ZNF536: variants seen among roughly 807,000 people sequenced by gnomAD.
ZNF536 encodes zinc finger protein 536.
A neutral mutation model predicts 84.5 loss-of-function variants in ZNF536; 13 were observed. The observed-to-expected ratio is 0.15, with a 90% confidence interval of 0.10 to 0.24. The LOEUF (loss-of-function observed/expected upper bound fraction) is 0.24, where lower values mean the gene tolerates loss of function less well. Ranked by LOEUF, ZNF536 falls within the 10% of genes least tolerant of loss-of-function variation. The pLI, the probability that ZNF536 is intolerant of heterozygous loss-of-function variation, is 1.00. For missense variants in ZNF536, 1,536 were observed against 1,747.5 expected, an observed-to-expected ratio of 0.88 and a Z score of 2.16; for synonymous variants, 811 against 742.5, an observed-to-expected ratio of 1.09 and a Z score of -1.50.
At chr19:30,486,447 C>G (rs893701354) in intron 2 of ZNF536, among the ~76,000 whole-genome samples, 4 of 152,206 alleles carry the variant, frequency 2.6e-5, no homozygotes, top group African/African-American at 9.7e-5. Flanking sequence ...CTTTTTATGG[C>G]TGCATAGTAT....
rs1463876350 is a variant in ZNF536 at position 30,326,978 on chromosome 19, A to C, written c.-119-25390A>C. 2.0e-5 allele frequency among the ~76,000 whole-genome samples: 3 copies of C among 151,216 alleles called. No individual in the cohort carries two copies. The East Asian group carries it at 5.9e-4, about 30-fold the overall frequency. The stretch of plus-strand genomic sequence containing the variant: ...AAAAAGTAACCAGGTATAATGGCAC[A>C]CACCTATAGTCCCAGCTACTCAGGC... On this transcript the variant is annotated intron_variant, in intron 2 of 5. Coordinates refer to the ZNF536 transcript ENST00000585628.
chr19:30,342,340 A>G (rs1221612985), intron 2 of ZNF536, among the ~76,000 whole-genome samples: 3 of 152,166 alleles, frequency 2.0e-5, no homozygotes, highest in Non-Finnish European at 4.4e-5. Flanking sequence ...TTATTTTGCT[A>G]TCTTAAATGG....
At chr19:30,480,475 A>G (rs1390375749) in intron 2 of ZNF536, among the ~76,000 whole-genome samples, 1 of 151,956 alleles carries the variant, frequency 6.6e-6, no homozygotes, top group Non-Finnish European at 1.5e-5. Context: ...GGATGTTCTC[A>G]CTCATAAGTG....
intron 1 of ZNF536, among the ~76,000 whole-genome samples, chr19:30,267,438 A>G (rs2025573469): frequency 1.3e-5 from 2 of 152,108 alleles, no homozygotes; most frequent in South Asian, 4.2e-4. Flanking sequence ...AAAGAAAAGG[A>G]GGGGGACTCT....
intron 1 of ZNF536, among the ~76,000 whole-genome samples, chr19:30,424,753 A>G (rs1160998697): frequency 6.6e-6 from 1 of 152,230 alleles, no homozygotes; most frequent in Non-Finnish European, 1.5e-5. Context: ...GACACAGACA[A>G]GGAAAGCACT....
chr19:30,323,788 C>T (rs2046934059), intron 2 of ZNF536, among the ~76,000 whole-genome samples: 2 of 152,270 alleles, frequency 1.3e-5, no homozygotes, highest in Middle Eastern at 3.4e-3. Context: ...TATCCCTCTG[C>T]TAGTGCTCAG....
At chr19:30,403,659 C>G (rs1156773434) in intron 1 of ZNF536, among the ~76,000 whole-genome samples, 1 of 152,208 alleles carries the variant, frequency 6.6e-6, no homozygotes, top group Non-Finnish European at 1.5e-5. Flanking sequence ...ACTTGCAGCT[C>G]TAGAAAGAAG....
intron 2 of ZNF536, among the ~76,000 whole-genome samples, chr19:30,462,292 T>TTGTG (rs1389128268): frequency 2.0e-4 from 29 of 144,092 alleles, no homozygotes; most frequent in African/African-American, 3.3e-4. Context: ...TCTTGTGATT[T>TTGTG]TGTGTGTGTG....
intron 1 of ZNF536, among the ~76,000 whole-genome samples, chr19:30,620,494 G>A (rs1208927457): frequency 6.6e-6 from 1 of 152,180 alleles, no homozygotes; most frequent in African/African-American, 2.4e-5. Context: ...GGGAATGGAA[G>A]TCCTGCAGGT....
chr19:30,382,569 A>AT (rs34080241), intron 1 of ZNF536, among the ~76,000 whole-genome samples: 73,673 of 149,412 alleles, frequency 0.49, 20,312 homozygotes, highest in Non-Finnish European at 0.61. Context: ...TGGGCAGGGA[A>AT]TTTTTTTTTT....
At chr19:30,325,667 C>G (rs1265569110) in intron 2 of ZNF536, among the ~76,000 whole-genome samples, 1 of 152,172 alleles carries the variant, frequency 6.6e-6, no homozygotes, top group South Asian at 2.1e-4. Flanking sequence ...GAGCACAGAA[C>G]CTTAGATATG....
rs762037939 is a variant in ZNF536, at chr19:30,548,320, G to C, written c.2701G>C (p.Gly901Arg). The C allele has an allele frequency of 6.2e-7, 1 of 1,614,178 alleles. No individual in the cohort carries two copies. The change falls in exon 4 of 5, where the codon GGA becomes CGA. Residue 901 changes from glycine (G) to arginine (R), a missense_variant. By Grantham distance (125) the Gly-to-Arg change is moderately radical. Transcript: ENST00000355537. ...CAAAAGCACCCACTTCTCTGAGATC[G>C]GAAGAGCTTATCAAAGCATTGTGAG... The part of the protein sequence containing the change: ...PSKSTHFSEI[G>R]RAYQSIVSNG...
At chr19:30,422,010 T>TA (rs1385949963) in intron 1 of ZNF536, among the ~76,000 whole-genome samples, 6 of 152,270 alleles carry the variant, frequency 3.9e-5, no homozygotes, top group Middle Eastern at 3.4e-3. Flanking sequence ...GTGAATTAAT[T>TA]AAAAAAATAT....
At chr19:30,571,708 G>C (rs565305852) in intron 1 of ZNF536, among the ~76,000 whole-genome samples, 1 of 152,024 alleles carries the variant, frequency 6.6e-6, no homozygotes, top group South Asian at 2.1e-4. Flanking sequence ...TTCCTCCCAC[G>C]GTCTCAGGCC....
At chr19:30,334,665 G>GGGTT (rs2047321889) in intron 2 of ZNF536, among the ~76,000 whole-genome samples, 1 of 152,156 alleles carries the variant, frequency 6.6e-6, no homozygotes, top group Admixed American at 6.5e-5. Context: ...ATGACACGGT[G>GGGTT]GGTTGATCAT....
At chr19:30,227,545 C>A (rs919816283), upstream of ZNF536, among the ~76,000 whole-genome samples, 1 of 152,212 alleles carries the variant, frequency 6.6e-6, no homozygotes, top group African/African-American at 2.4e-5. Context: ...TTCGTTTTCA[C>A]TTTAGCAGAA....
At chr19:30,301,478 G>A (rs2046182345) in intron 2 of ZNF536, among the ~76,000 whole-genome samples, 1 of 152,148 alleles carries the variant, frequency 6.6e-6, no homozygotes, top group East Asian at 1.9e-4. Flanking sequence ...AACAACTCTT[G>A]CGAATTGCAT....
At chr19:30,604,754 C>A (rs928821225) in intron 1 of ZNF536, among the ~76,000 whole-genome samples, 2 of 152,180 alleles carry the variant, frequency 1.3e-5, no homozygotes, top group Non-Finnish European at 2.9e-5. Context: ...ATTAAGCCAA[C>A]ACTCTTATTT....
chr19:30,561,925 G>C (rs1441412102), downstream of ZNF536, among the ~76,000 whole-genome samples: 1 of 152,188 alleles, frequency 6.6e-6, no homozygotes, highest in Non-Finnish European at 1.5e-5. Flanking sequence ...TGGGTACCCA[G>C]TAGAAAGTCG....
Sources: allele counts gnomAD v4.1 joint callset (sites outside exome capture counted in the v4.1 genomes callset), GRCh38; gene constraint gnomAD v4.1.1; transcripts MANE v1.5; gene names NCBI Gene and HGNC (gene_info 2026-07-23, HGNC 2026-07-21).